GAGE10: variants seen among roughly 807,000 people sequenced by gnomAD.
GAGE10 encodes G antigen 10.
Under a neutral mutation model 11.5 loss-of-function variants are expected in GAGE10, and 9 were observed. That is an observed-to-expected ratio of 0.78 (90% CI 0.47 to 1.37). The LOEUF is 1.37. Ranked by LOEUF, GAGE10 falls within the 40% of genes most tolerant of loss-of-function variation. The pLI is 0.00. For missense variants in GAGE10, 83 were observed against 92.9 expected (o/e 0.89, Z 0.44); for synonymous variants, 23 against 29.7 (o/e 0.77, Z 0.73).
chrX:49,310,242 T>C (rs1158055977), intron 3 of GAGE10, among the ~76,000 whole-genome samples: 2 of 111,726 alleles, frequency 1.8e-5, no homozygotes, highest in African/African-American at 6.5e-5. Context: ...GCTACTCAGC[T>C]TATTAAAGTG....
intron 3 of GAGE10, among the ~76,000 whole-genome samples, chrX:49,316,762 C>A (rs5906781): frequency 0.44 from 48,623 of 110,473 alleles, 9,055 homozygotes; most frequent in Non-Finnish European, 0.59. Context: ...TTTTTCATGT[C>A]TTTTTTAAAG....
intron 3 of GAGE10, among the ~76,000 whole-genome samples, chrX:49,306,626 C>T (rs1557124188): frequency 9.0e-6 from 1 of 111,363 alleles, no homozygotes; most frequent in Non-Finnish European, 1.9e-5. Flanking sequence ...ATGCACACTG[C>T]TCTCGGTACT....
rs144008554 is a variant in GAGE10 at position 49,311,129 on chromosome X, C to T, written c.202+5605C>T. Among the ~76,000 whole-genome samples the T allele has an allele frequency of 7.6e-3, 847 of 111,622 alleles. 11 individuals carry two copies. Among genetic ancestry groups the T allele is most frequent in the African/African-American group, 0.027 (812 of 30,623 alleles). ...AACCAGGTGTATAGGCTGAGGACAA[C>T]CCCCCTGGACTTGCTGCAAACAGAC... On this transcript the variant is annotated intron_variant, in intron 3 of 4. Transcript: ENST00000407599.
chrX:49,312,842 G>A (rs781871770), intron 3 of GAGE10, among the ~76,000 whole-genome samples: 3 of 112,613 alleles, frequency 2.7e-5, no homozygotes, highest in Admixed American at 9.3e-5. Flanking sequence ...TTGATAGGTC[G>A]GCATTTCTAT....
intron 3 of GAGE10, among the ~76,000 whole-genome samples, chrX:49,307,388 C>G (rs187588186): frequency 5.2e-4 from 58 of 112,045 alleles, no homozygotes; most frequent in African/African-American, 1.8e-3. Context: ...AAATCAAAAT[C>G]AGGAAATTTA....
intron 3 of GAGE10, among the ~76,000 whole-genome samples, chrX:49,316,705 T>G (rs2066392963): frequency 8.9e-6 from 1 of 112,307 alleles, no homozygotes; most frequent in African/African-American, 3.2e-5. Context: ...CAGACATTTT[T>G]GAAGAGGATA....
chrX:49,312,820 C>A lies in GAGE10; in HGVS notation c.203-4343C>A, dbSNP rs1422571767. Among the ~76,000 whole-genome samples the A allele has an allele frequency of 2.7e-5, 3 of 112,699 alleles. No homozygotes were observed. The Admixed American group carries it at 2.8e-4, about 11-fold the overall frequency. On this transcript the variant is annotated intron_variant, in intron 3 of 4. Transcript: ENST00000407599. ...CATCAAGGAACACACATTGGAAGGA[C>A]GACTAGAAACTTTGATAGGTCGGCA...
intron 3 of GAGE10, among the ~76,000 whole-genome samples, chrX:49,306,526 A>G (rs782539562): frequency 8.0e-5 from 9 of 112,438 alleles, no homozygotes; most frequent in African/African-American, 2.9e-4. Context: ...ATAGTCCTCA[A>G]ATCCATTCAG....
At chrX:49,308,813 G>A (rs1376627234) in intron 3 of GAGE10, among the ~76,000 whole-genome samples, 3 of 111,629 alleles carry the variant, frequency 2.7e-5, no homozygotes, top group African/African-American at 9.8e-5. Flanking sequence ...CGTCTGATGA[G>A]GAGTCCTGGG....
At chrX:49,312,332 G>A (rs2066378413) in intron 3 of GAGE10, among the ~76,000 whole-genome samples, 1 of 112,899 alleles carries the variant, frequency 8.9e-6, no homozygotes, top group Non-Finnish European at 1.9e-5. Context: ...TGGCCAAGGG[G>A]AAGAAAGTAA....
intron 2 of GAGE10, among the ~76,000 whole-genome samples, chrX:49,305,184 A>G (rs1468948604): frequency 9.0e-6 from 1 of 111,192 alleles, no homozygotes; most frequent in Non-Finnish European, 1.9e-5. Context: ...ATGTATTCCA[A>G]CACTGAGTAT....
Position 49,317,291 on chromosome X carries a change from A to G in GAGE10, c.328+3A>G. The G allele has an allele frequency of 8.3e-7, 1 of 1,203,264 alleles. No individual in the cohort carries two copies. The highest frequency in any genetic ancestry group is 1.8e-5 in the South Asian group (1 of 56,824). On this transcript the variant is annotated splice_donor_region_variant and intron_variant, in intron 4 of 4. Coordinates refer to ENST00000407599, the MANE Select transcript of GAGE10 (RefSeq NM_001098413.4). ...GGAGGTGAAAAGGCCTGAAGAAGGT[A>G]GGGAATCCATTAGGCATGCACATTG...
At chrX:49,315,389 C>T (rs1557125119) in intron 3 of GAGE10, among the ~76,000 whole-genome samples, 2 of 112,040 alleles carry the variant, frequency 1.8e-5, no homozygotes, top group African/African-American at 3.2e-5. Context: ...TGAATGGCCT[C>T]ATGAAACAAT....
At chrX:49,307,611 T>C (rs1457898320) in intron 3 of GAGE10, among the ~76,000 whole-genome samples, 1 of 111,226 alleles carries the variant, frequency 9.0e-6, no homozygotes, top group Non-Finnish European at 1.9e-5. Context: ...CCCATGTAGC[T>C]AGGACTACAG....
chrX:49,306,724 T>C (rs1237522091), intron 3 of GAGE10, among the ~76,000 whole-genome samples: 1 of 111,900 alleles, frequency 8.9e-6, no homozygotes, highest in Non-Finnish European at 1.9e-5. Context: ...GGCTGAATGC[T>C]GTGCACGCAT....
chrX:49,308,501 A>C (rs190337165), intron 3 of GAGE10, among the ~76,000 whole-genome samples: 1 of 112,129 alleles, frequency 8.9e-6, no homozygotes, highest in Admixed American at 9.4e-5. Context: ...GTAAGGAGAA[A>C]GGGCCCAAGG....
intron 1 of GAGE10, 103 bp from the exon 2 acceptor site, chrX:49,304,749 T>C: frequency 9.8e-7 from 1 of 1,020,947 alleles, no homozygotes; most frequent in South Asian, 1.9e-5. Flanking sequence ...ATTTTGAAAG[T>C]ATTTTCAAAA....
chrX:49,317,359 C>G (rs1557125436), intron 4 of GAGE10, 71 bp downstream of exon 4: 1 of 1,137,631 alleles, frequency 8.8e-7, no homozygotes, highest in African/African-American at 1.8e-5. Context: ...ATTATTATTA[C>G]ATTTTTGAGA....
intron 3 of GAGE10, among the ~76,000 whole-genome samples, chrX:49,306,498 A>G (rs782207744): frequency 3.6e-5 from 4 of 112,276 alleles, no homozygotes; most frequent in Admixed American, 1.9e-4. Context: ...AATGGGTGTC[A>G]TGACTGTAAG....
Sources: gnomAD v4.1 joint callset for allele counts (sites outside exome capture counted in the v4.1 genomes callset) on GRCh38, gnomAD v4.1.1 for gene constraint, MANE v1.5 for transcripts, NCBI Gene and HGNC (gene_info 2026-07-23, HGNC 2026-07-21) for gene names.